The following AKAP6 variants were observed in gnomAD, a reference collection of about 807,000 sequenced individuals.
The protein encoded by AKAP6 is A-kinase anchor protein 6.
A neutral mutation model predicts 188.5 loss-of-function variants in AKAP6; 58 were observed. That is an observed-to-expected ratio of 0.31 (90% confidence interval 0.25 to 0.38). The LOEUF (loss-of-function observed/expected upper bound fraction) is 0.38. Ranked by LOEUF, AKAP6 falls within the 10% of genes least tolerant of loss-of-function variation. AKAP6 has a pLI of 1.00. For missense variants in AKAP6, 2,710 were observed against 2,740.0 expected (o/e 0.99, Z 0.24); for synonymous variants, 989 against 998.6 (o/e 0.99, Z 0.18).
At chr14:32,746,851 A>C (rs887475560) in intron 11 of AKAP6, among the ~76,000 whole-genome samples, 4 of 152,162 alleles carry the variant, frequency 2.6e-5, no homozygotes, top group Admixed American at 2.6e-4. Flanking sequence ...TCCTTATTCC[A>C]TTCTGAATAC....
intron 12 of AKAP6, among the ~76,000 whole-genome samples, chr14:32,793,971 G>A (rs1302876822): frequency 2.6e-5 from 4 of 151,814 alleles, no homozygotes; most frequent in Non-Finnish European, 4.4e-5. Flanking sequence ...AAAATATTCA[G>A]GGCCTGAACT....
At position 32,678,417 on chromosome 14, in the gene AKAP6, A is replaced by C. The variant is rs773505833; in HGVS notation, c.2837A>C (p.Glu946Ala). The C allele has an allele frequency of 6.2e-7, 1 of 1,613,980 alleles. No individual in the cohort carries two copies. The highest frequency in any genetic ancestry group is 8.5e-7 in the Non-Finnish European group (1 of 1,179,882). ...ACCAGCAGCAGCAAGCGAAAGGAAG[A>C]GTTTGCTGATATGTCAAAAGTTCAT... ...QYTSSSKRKE[E>A]FADMSKVHSV... The change falls in exon 8 of 14, where the codon GAG becomes GCG. Residue 946 changes from glutamate (E) to alanine (A), a missense_variant. Glu to Ala is a moderately radical substitution (Grantham distance 107, BLOSUM62 -1). Around this residue, in one of 2 missense-constraint regions of AKAP6, gnomAD observed 2,473 missense variants for 2,426.1 expected, o/e 1.02. Coordinates refer to ENST00000280979, the MANE Select transcript of AKAP6 (RefSeq NM_004274.5).
intron 2 of AKAP6, among the ~76,000 whole-genome samples, chr14:32,461,692 C>T (rs1891328515): frequency 6.6e-6 from 1 of 151,900 alleles, no homozygotes; most frequent in South Asian, 2.1e-4. Flanking sequence ...GATTGCAACT[C>T]CTCTTGAGCA....
At chr14:32,680,832 A>G (rs893316744) in intron 8 of AKAP6, among the ~76,000 whole-genome samples, 2 of 152,210 alleles carry the variant, frequency 1.3e-5, no homozygotes, top group African/African-American at 2.4e-5. Flanking sequence ...CTTATATAGT[A>G]TACAACTATG....
intron 12 of AKAP6, among the ~76,000 whole-genome samples, chr14:32,812,999 T>C (rs1241468423): frequency 6.6e-6 from 1 of 152,136 alleles, no homozygotes; most frequent in African/African-American, 2.4e-5. Flanking sequence ...TTTGACAGTG[T>C]CTATCTGGAG....
intron 3 of AKAP6, among the ~76,000 whole-genome samples, chr14:32,544,323 C>T (rs1421272075): frequency 2.0e-5 from 3 of 152,160 alleles, no homozygotes; most frequent in African/African-American, 7.2e-5. Context: ...GGCTCTTCTA[C>T]CCCAAACAAA....
chr14:32,693,914 C>A (rs997797708), intron 8 of AKAP6, among the ~76,000 whole-genome samples: 2 of 152,026 alleles, frequency 1.3e-5, no homozygotes, highest in Non-Finnish European at 2.9e-5. Flanking sequence ...ATTAGTTATT[C>A]CTTATTAGTC....
chr14:32,821,860 C>T lies in AKAP6; in HGVS notation c.4047C>T (p.Cys1349=), dbSNP rs369769465. The change falls in exon 13 of 14, where the codon TGC becomes TGT. Residue 1349 remains cysteine, a synonymous_variant. Transcript: ENST00000280979. ...GTGGTTCCAATTTGGTAAAGCCCTGCGCATGTCATGGAGGAGACATGAGCC... is the reference window on the plus strand; with the variant it reads ...GTGGTTCCAATTTGGTAAAGCCCTGTGCATGTCATGGAGGAGACATGAGCC... The part of the protein sequence containing the change: ...LLGGSNLVKP[C]ACHGGDMSQN... 44 of 1,613,640 alleles carry T rather than the reference C, an allele frequency of 2.7e-5. 1 individual carries two copies. The highest frequency in any genetic ancestry group is 2.0e-4 in the South Asian group (18 of 91,068).
At chr14:32,758,777 T>C (rs1471926781) in intron 11 of AKAP6, among the ~76,000 whole-genome samples, 1 of 152,130 alleles carries the variant, frequency 6.6e-6, no homozygotes. Flanking sequence ...GGGGCTACTA[T>C]GATTAATAGG....
At chr14:32,755,048 A>C (rs187576244) in intron 11 of AKAP6, among the ~76,000 whole-genome samples, 21 of 152,198 alleles carry the variant, frequency 1.4e-4, no homozygotes, top group African/African-American at 5.1e-4. Context: ...CCCTCTTCAG[A>C]TTTTGGAAAT....
At chr14:32,720,520 A>G (rs1479203173) in intron 9 of AKAP6, among the ~76,000 whole-genome samples, 1 of 152,220 alleles carries the variant, frequency 6.6e-6, no homozygotes, top group Non-Finnish European at 1.5e-5. Context: ...AGTTTGCATA[A>G]TGGTAATTCT....
chr14:32,433,083 A>G (rs1890271366), intron 1 of AKAP6: 1 of 173,036 alleles, frequency 5.8e-6, no homozygotes, highest in African/African-American at 2.4e-5. Context: ...GAATTTCAAC[A>G]CAACAATTCC....
chr14:32,347,365 A>G (rs1887103526), intron 1 of AKAP6, among the ~76,000 whole-genome samples: 1 of 152,194 alleles, frequency 6.6e-6, no homozygotes, highest in African/African-American at 2.4e-5. Context: ...AGCTTGCTAA[A>G]TGGTAATGGT....
chr14:32,645,298 C>G (rs185731681), intron 7 of AKAP6, among the ~76,000 whole-genome samples: 2 of 152,086 alleles, frequency 1.3e-5, no homozygotes, highest in Non-Finnish European at 2.9e-5. Context: ...TTTTCAACCT[C>G]GAATATTTTA....
intron 2 of AKAP6, among the ~76,000 whole-genome samples, chr14:32,491,287 G>A (rs2180866): frequency 0.49 from 75,150 of 152,076 alleles, 21,031 homozygotes; most frequent in African/African-American, 0.78. Flanking sequence ...ATCTCCCAAT[G>A]TTTATATAAT....
intron 9 of AKAP6, among the ~76,000 whole-genome samples, chr14:32,716,399 G>A (rs72669820): frequency 0.16 from 24,392 of 150,962 alleles, 2,411 homozygotes; most frequent in Non-Finnish European, 0.23. Flanking sequence ...ATCCTATTAG[G>A]CTGGTGCAAA....
At chr14:32,576,868 ATTCC>A (rs1884742079) in intron 4 of AKAP6, among the ~76,000 whole-genome samples, 1 of 152,112 alleles carries the variant, frequency 6.6e-6, no homozygotes, top group African/African-American at 2.4e-5. Context: ...TCCAATCCAA[ATTCC>A]TCAGAAAAGT....
At chr14:32,761,220 G>A (rs2032525888) in intron 11 of AKAP6, among the ~76,000 whole-genome samples, 1 of 152,038 alleles carries the variant, frequency 6.6e-6, no homozygotes, top group Non-Finnish European at 1.5e-5. Flanking sequence ...TTTCTCTCTA[G>A]TATCATTTTC....
intron 1 of AKAP6, among the ~76,000 whole-genome samples, chr14:32,343,883 G>A (rs1886979431): frequency 6.6e-6 from 1 of 151,106 alleles, no homozygotes; most frequent in South Asian, 2.1e-4. Flanking sequence ...TACAACCTTT[G>A]CCTTTTCTCT....
Sources: gnomAD v4.1 joint callset for allele counts (sites outside exome capture counted in the v4.1 genomes callset) on GRCh38, gnomAD v4.1.1 for gene constraint, gnomAD v4.1.1 regional missense constraint, MANE v1.5 for transcripts, NCBI Gene and HGNC (gene_info 2026-07-23, HGNC 2026-07-21) for gene names.